The following HERC3 variants were observed in gnomAD, a reference collection of about 807,000 sequenced individuals.
The protein encoded by HERC3 is HECT and RLD domain containing E3 ubiquitin protein ligase 3.
HERC3 carries 58 observed loss-of-function variants against 129.9 expected under a neutral mutation model. The observed-to-expected ratio is 0.45, with a 90% CI of 0.36 to 0.56. The LOEUF (loss-of-function observed/expected upper bound fraction) is 0.56. Ranked by LOEUF, HERC3 falls within the 20% of genes least tolerant of loss-of-function variation. The pLI is 0.00. For missense variants in HERC3, 835 were observed against 1,244.2 expected (o/e 0.67, Z 4.95); for synonymous variants, 430 against 451.0 (o/e 0.95, Z 0.59).
intron 11 of HERC3, 38 bp downstream of exon 11, chr4:88,662,593 G>A (rs748204243): frequency 5.7e-6 from 9 of 1,585,428 alleles, no homozygotes; most frequent in South Asian, 1.2e-5. Flanking sequence ...TTTCCACAAA[G>A]TATGTTACAA....
At chr4:88,593,978 A>G (rs1722049746) in intron 1 of HERC3, among the ~76,000 whole-genome samples, 1 of 152,214 alleles carries the variant, frequency 6.6e-6, no homozygotes, top group Admixed American at 6.5e-5. Context: ...ATTTTACATC[A>G]TGGTCGTACC....
chr4:88,688,186 A>G (rs566305990), intron 23 of HERC3, among the ~76,000 whole-genome samples: 1 of 152,320 alleles, frequency 6.6e-6, no homozygotes, highest in Non-Finnish European at 1.5e-5. Flanking sequence ...TGGAGGAAAC[A>G]TTTTAGGCAC....
At chr4:88,682,363 G>A (rs1172286513) in intron 21 of HERC3, among the ~76,000 whole-genome samples, 3 of 151,720 alleles carry the variant, frequency 2.0e-5, no homozygotes, top group African/African-American at 7.3e-5. Flanking sequence ...GGATACATGT[G>A]CACAACGTGC....
At chr4:88,646,133 C>T (rs1427151410) in intron 3 of HERC3, among the ~76,000 whole-genome samples, 1 of 152,170 alleles carries the variant, frequency 6.6e-6, no homozygotes, top group African/African-American at 2.4e-5. Context: ...GGCCAAATTA[C>T]ATCCTCTTTC....
chr4:88,650,719 T>G (rs1231104596), intron 4 of HERC3, among the ~76,000 whole-genome samples: 1 of 152,236 alleles, frequency 6.6e-6, no homozygotes, highest in East Asian at 1.9e-4. Context: ...ACACATTCTT[T>G]GTAATTGTTT....
rs543211231 is a variant in HERC3, at chr4:88,658,399, A to AT, written c.1070-6dup. ...AATTAATGAAAAATATGCTTTCGGA[A>AT]TTTTTTTTTTGACAGATCGCTTTAA... On this transcript the variant is annotated splice_polypyrimidine_tract_variant and intron_variant, in intron 9 of 25. Transcript: ENST00000402738. The AT allele has an allele frequency of 3.7e-3, 5,130 of 1,387,260 alleles. 9 individuals carry two copies. Among genetic ancestry groups the AT allele is most frequent in the South Asian group, 0.012 (873 of 75,592 alleles). The allele number at this position is 1,387,260 out of a possible 1,614,324, so 85.9% of individuals were successfully genotyped here. A position where few individuals can be genotyped will look rare whatever the true frequency, so the allele number is the denominator to read the frequency against.
chr4:88,579,232 A>AAAAAAAAAAATATATATATATATATAT, the HERC3 span, among the ~76,000 whole-genome samples: 2 of 104,096 alleles, frequency 1.9e-5, no homozygotes, highest in African/African-American at 1.2e-4. Context: ...AAAAAAAAAA[A>AAAAAAAAAAATATATATATATATATAT]ATATATATAT....
Position 88,691,818 on chromosome 4 carries a change from A to C in HERC3, c.2657+4519A>C, listed in dbSNP as rs147183283. 5.3e-3 allele frequency among the ~76,000 whole-genome samples: 803 copies of C among 152,350 alleles called. 5 individuals carry two copies. Among genetic ancestry groups the C allele is most frequent in the Non-Finnish European group, 8.0e-3 (547 of 68,026 alleles). On this transcript the variant is annotated intron_variant, in intron 23 of 25. Transcript: ENST00000402738. ...ATGTAGTCATTAGCAGTCCTAAATT[A>C]TATGACTAAGAAAATGAAATAGCTG...
chr4:88,703,359 C>T (rs1403427603), intron 23 of HERC3, among the ~76,000 whole-genome samples: 2 of 152,150 alleles, frequency 1.3e-5, no homozygotes, highest in Non-Finnish European at 2.9e-5. Context: ...GAAAAAATAG[C>T]CTTTGCTCTT....
chr4:88,663,289 C>A (rs970746909), intron 11 of HERC3, among the ~76,000 whole-genome samples: 4 of 152,090 alleles, frequency 2.6e-5, no homozygotes, highest in Non-Finnish European at 2.9e-5. Flanking sequence ...AGTGAGAGAG[C>A]ATTAGAAACG....
At chr4:88,575,240 T>G in the HERC3 span, among the ~76,000 whole-genome samples, 2 of 152,252 alleles carry the variant, frequency 1.3e-5, no homozygotes, top group African/African-American at 4.8e-5. Context: ...CTATAGGATT[T>G]TTTCTTTTCA....
chr4:88,648,901 G>GT lies in HERC3; in HGVS notation c.227-927dup, dbSNP rs936031451. Among the ~76,000 whole-genome samples the GT allele has an allele frequency of 1.6e-3, 229 of 141,814 alleles. 1 individual carries two copies. Among genetic ancestry groups the GT allele is most frequent in the Middle Eastern group, 0.011 (3 of 268 alleles). 93.0% of individuals were successfully genotyped at this position (141,814 alleles called of 152,430 possible). On this transcript the variant is annotated intron_variant, in intron 3 of 25. Coordinates refer to ENST00000402738, the MANE Select transcript of HERC3 (RefSeq NM_014606.3). ...CTAACTTTCAATCCTGCTTTTGAAG[G>GT]TTTTTTTTTTTTAAATTTATGCTAC... is the stretch of plus-strand genomic sequence containing the variant.
chr4:88,707,720 G>A lies in HERC3; in HGVS notation c.*760G>A, dbSNP rs1223461394. ...TTTTCTTGCTCATCCTTGTCCCTTT[G>A]ACAATAAGGTTAATTGATAGACCCA... On this transcript the variant is annotated 3_prime_UTR_variant, in exon 26 of 26. Transcript: ENST00000402738. 6.6e-6 allele frequency: 1 copy of A among 152,220 alleles called. No individual in the cohort carries two copies. The highest frequency in any genetic ancestry group is 1.5e-5 in the Non-Finnish European group (1 of 68,042). 9.4% of individuals were successfully genotyped at this position (152,220 alleles called of 1,614,324 possible). A position where few individuals can be genotyped will look rare whatever the true frequency, so the allele number is the denominator to read the frequency against.
chr4:88,668,450 G>A (rs555139338), intron 14 of HERC3: 3 of 232,002 alleles, frequency 1.3e-5, no homozygotes, highest in Admixed American at 1.1e-4. Context: ...GAACAGTTTC[G>A]GTGATACAGA....
intron 3 of HERC3, among the ~76,000 whole-genome samples, chr4:88,639,264 AAG>A (rs1404365028): frequency 6.6e-6 from 1 of 152,226 alleles, no homozygotes; most frequent in Non-Finnish European, 1.5e-5. Flanking sequence ...ATGGAACCAA[AAG>A]AGAGCCCACA....
chr4:88,611,957 G>A (rs920183913), intron 3 of HERC3, among the ~76,000 whole-genome samples: 3 of 152,176 alleles, frequency 2.0e-5, no homozygotes, highest in Non-Finnish European at 2.9e-5. Flanking sequence ...GTTGAAAGAA[G>A]GTACTGGTGT....
the HERC3 span, among the ~76,000 whole-genome samples, chr4:88,541,919 C>T: frequency 6.6e-6 from 1 of 152,120 alleles, no homozygotes; most frequent in Non-Finnish European, 1.5e-5. Flanking sequence ...ACACAACATA[C>T]CAGAATCTCT....
At chr4:88,623,807 A>G (rs980761105) in intron 3 of HERC3, among the ~76,000 whole-genome samples, 11 of 152,312 alleles carry the variant, frequency 7.2e-5, no homozygotes, top group Non-Finnish European at 7.3e-5. Flanking sequence ...CTTTATTTAG[A>G]TAATTTACAC....
chr4:88,617,281 T>C (rs1175962752), intron 3 of HERC3, among the ~76,000 whole-genome samples: 1 of 151,498 alleles, frequency 6.6e-6, no homozygotes, highest in Non-Finnish European at 1.5e-5. Context: ...TTGGTACTGC[T>C]AGGAAGAGGG....
Sources: gnomAD v4.1 joint callset for allele counts (sites outside exome capture counted in the v4.1 genomes callset) on GRCh38, gnomAD v4.1.1 for gene constraint, MANE v1.5 for transcripts, NCBI Gene and HGNC (gene_info 2026-07-23, HGNC 2026-07-21) for gene names.